The following PFKFB1 variants were observed in gnomAD, a reference collection of about 807,000 sequenced individuals.
PFKFB1 encodes 6-phosphofructo-2-kinase/fructose-2,6-bisphosphatase 1.
A neutral mutation model predicts 46.4 loss-of-function variants in PFKFB1; 34 were observed. That is an observed-to-expected ratio of 0.73 (90% CI 0.56 to 0.98). PFKFB1 has a LOEUF of 0.98. PFKFB1 is among the 50% of genes least tolerant of loss of function. PFKFB1 has a pLI of 0.00. For missense variants in PFKFB1, 393 were observed against 376.3 expected (o/e 1.04, Z -0.37); for synonymous variants, 119 against 133.8 (o/e 0.89, Z 0.76).
chrX:54,933,723 C>T (rs1242848002), intron 13 of PFKFB1, 98 bp downstream of exon 13: 3 of 740,340 alleles, frequency 4.1e-6, no homozygotes, highest in Non-Finnish European at 6.2e-6. Context: ...TGCAAAACAC[C>T]CAGGCTTGGT....
intron 1 of PFKFB1, among the ~76,000 whole-genome samples, chrX:54,980,303 T>C (rs1934945985): frequency 9.1e-6 from 1 of 109,901 alleles, no homozygotes; most frequent in South Asian, 3.7e-4. Flanking sequence ...AAAAAGCATA[T>C]TTTTTGATTT....
At chrX:54,963,986 G>A (rs1340534376) in intron 1 of PFKFB1, among the ~76,000 whole-genome samples, 1 of 111,755 alleles carries the variant, frequency 8.9e-6, no homozygotes. Flanking sequence ...ACTCACTGCA[G>A]CTGGCAGAGC....
intron 1 of PFKFB1, among the ~76,000 whole-genome samples, chrX:54,969,564 GA>G (rs1389679342): frequency 8.9e-6 from 1 of 111,991 alleles, no homozygotes; most frequent in Non-Finnish European, 1.9e-5. Context: ...ATCAGCAGAT[GA>G]AAAAAACTTT....
At chrX:54,944,186 G>A (rs1933737198) in intron 10 of PFKFB1, among the ~76,000 whole-genome samples, 1 of 111,289 alleles carries the variant, frequency 9.0e-6, no homozygotes. Context: ...TCCTTATTGA[G>A]ATATCAACTA....
chrX:54,981,069 T>C (rs1934973066), intron 1 of PFKFB1, among the ~76,000 whole-genome samples: 1 of 110,541 alleles, frequency 9.0e-6, no homozygotes, highest in Admixed American at 9.7e-5. Flanking sequence ...AAAATAAATC[T>C]GAAGAAATTA....
intron 1 of PFKFB1, among the ~76,000 whole-genome samples, chrX:54,969,141 T>A (rs1465594871): frequency 2.7e-5 from 3 of 111,516 alleles, no homozygotes; most frequent in African/African-American, 9.8e-5. Flanking sequence ...CCTCCAAAGT[T>A]CATGTGTTGG....
intron 1 of PFKFB1, among the ~76,000 whole-genome samples, chrX:54,982,135 A>C (rs779377419): frequency 3.6e-5 from 4 of 112,058 alleles, no homozygotes; most frequent in Non-Finnish European, 7.5e-5. Context: ...TCAACATAAA[A>C]TCTCCAGAAA....
chrX:54,949,372 G>A lies in PFKFB1; in HGVS notation c.847-151C>T. On this transcript the variant is annotated intron_variant, in intron 8 of 13. Transcript: ENST00000375006. ...TTTAAATGTTCCAAACTTATAAAAA[G>A]CCATACTCTTTCCAATGTGATGGTG... 7 of 402,422 alleles carry A rather than the reference G, an allele frequency of 1.7e-5. No homozygotes were observed. The South Asian group carries it at 5.1e-4, about 29-fold the overall frequency. The allele number at this position is 402,422 out of a possible 1,213,427, so 33.2% of individuals were successfully genotyped here.
At chrX:54,955,807 T>C (rs1174918560) in intron 7 of PFKFB1, among the ~76,000 whole-genome samples, 2 of 112,275 alleles carry the variant, frequency 1.8e-5, no homozygotes, top group African/African-American at 6.5e-5. Context: ...GAGGATTAAA[T>C]GTAAGAAAGA....
chrX:54,943,817 G>A (rs1457399602), intron 10 of PFKFB1, among the ~76,000 whole-genome samples: 2 of 110,131 alleles, frequency 1.8e-5, no homozygotes, highest in Non-Finnish European at 3.8e-5. Flanking sequence ...AAAGAAAGAC[G>A]GAAAATGAAC....
intron 2 of PFKFB1, 29 bp downstream of exon 2, chrX:54,963,227 GT>G: frequency 8.3e-7 from 1 of 1,205,057 alleles, no homozygotes; most frequent in East Asian, 3.0e-5. Context: ...CTTTTATGGG[GT>G]TGTTGAACAA....
At position 54,949,723 on chromosome X, in the gene PFKFB1, T is replaced by C. The variant is rs1478716183; in HGVS notation, c.847-502A>G. Among the ~76,000 whole-genome samples the C allele has an allele frequency of 2.7e-5, 3 of 112,213 alleles. No homozygotes were observed. The Admixed American group carries it at 2.8e-4, about 10-fold the overall frequency. On this transcript the variant is annotated intron_variant, in intron 8 of 13. Coordinates refer to ENST00000375006, the MANE Select transcript of PFKFB1 (RefSeq NM_002625.4). The stretch of plus-strand genomic sequence containing the variant: ...CACAAACAGCAACCCCTTGGTCGTG[T>C]GATATGGCCTGACCTCAAGTGGACA...
At chrX:54,972,844 T>A (rs1934716154) in intron 1 of PFKFB1, among the ~76,000 whole-genome samples, 1 of 111,750 alleles carries the variant, frequency 8.9e-6, no homozygotes, top group African/African-American at 3.3e-5. Context: ...AGGATGATGC[T>A]CGTCTCATCA....
At chrX:54,934,122 C>T (rs1037638938) in intron 12 of PFKFB1, among the ~76,000 whole-genome samples, 22 of 111,926 alleles carry the variant, frequency 2.0e-4, no homozygotes, top group African/African-American at 6.2e-4. Context: ...AGTCTTAGTT[C>T]GCTGAGCTTC....
intron 1 of PFKFB1, among the ~76,000 whole-genome samples, chrX:54,985,616 T>C (rs959255902): frequency 9.0e-6 from 1 of 111,046 alleles, no homozygotes; most frequent in African/African-American, 3.3e-5. Flanking sequence ...ATGAAAATAA[T>C]AGAAAATAAT....
intron 7 of PFKFB1, among the ~76,000 whole-genome samples, chrX:54,952,350 A>G (rs767965001): frequency 1.8e-5 from 2 of 111,553 alleles, no homozygotes; most frequent in Non-Finnish European, 3.8e-5. Context: ...TTCAGCCTCA[A>G]CTTGAGCCAA....
At chrX:54,937,914 A>G (rs1220741093) in intron 10 of PFKFB1, among the ~76,000 whole-genome samples, 190 bp from the exon 11 acceptor site, 1 of 112,263 alleles carries the variant, frequency 8.9e-6, no homozygotes, top group Non-Finnish European at 1.9e-5. Context: ...AATGGGGGCT[A>G]TCAATATAGT....
At position 54,959,906 on chromosome X, in the gene PFKFB1, A is replaced by G. The variant is rs1934260179; in HGVS notation, c.318-13T>C. On this transcript the variant is annotated splice_polypyrimidine_tract_variant and intron_variant, in intron 3 of 13. Coordinates refer to ENST00000375006, the MANE Select transcript of PFKFB1 (RefSeq NM_002625.4). ...CAGGGCGCACTGCCTGAAATAGACCAGGAAAGAAAAAGAGGCAACCCTTAT... is the reference window on the plus strand; with the variant it reads ...CAGGGCGCACTGCCTGAAATAGACCGGGAAAGAAAAAGAGGCAACCCTTAT... 8.6e-7 allele frequency: 1 copy of G among 1,167,169 alleles called. No individual in the cohort carries two copies.
chrX:54,970,605 A>G (rs1188583138), intron 1 of PFKFB1, among the ~76,000 whole-genome samples: 1 of 60,163 alleles, frequency 1.7e-5, no homozygotes, highest in African/African-American at 6.6e-5. Context: ...TTTGTTCTTG[A>G]GATAGTTTAC....
Sources: allele counts gnomAD v4.1 joint callset (sites outside exome capture counted in the v4.1 genomes callset), GRCh38; gene constraint gnomAD v4.1.1; transcripts MANE v1.5; gene names NCBI Gene and HGNC (gene_info 2026-07-23, HGNC 2026-07-21).